UPF2: variants seen among roughly 807,000 people sequenced by gnomAD.
The protein encoded by UPF2 is UPF2 regulator of nonsense mediated mRNA decay, also known as regulator of nonsense transcripts 2.
In UPF2, 17 loss-of-function variants were observed where a neutral mutation model predicts 141.4. That is an observed-to-expected ratio of 0.12 (90% CI 0.08 to 0.18). The LOEUF (loss-of-function observed/expected upper bound fraction) is 0.18, where lower values mean the gene tolerates loss of function less well. UPF2 is among the 10% of genes least tolerant of loss of function. The pLI, the probability that UPF2 is intolerant of heterozygous loss-of-function variation, is 1.00. For missense variants in UPF2, 1,152 were observed against 1,515.9 expected (o/e 0.76, Z 3.99); for synonymous variants, 540 against 498.0 (o/e 1.08, Z -1.12).
At position 11,921,382 on chromosome 10, in the gene UPF2, G is replaced by A. The variant is rs371813361; in HGVS notation, c.3810-75C>T. 32 of 1,583,298 alleles carry A rather than the reference G, an allele frequency of 2.0e-5. No homozygotes were observed. Among genetic ancestry groups the A allele is most frequent in the African/African-American group, 1.3e-4 (10 of 74,316 alleles). ...AGTCCAGCAAGATGGCGTCTGCAAC[G>A]CTACCCACCACCACCAAGTCACTCC... On this transcript the variant is annotated intron_variant, in intron 21 of 21. Transcript: ENST00000357604. The surrounding 1 kb of genome is among the most constrained non-coding windows in gnomAD (Gnocchi z 5.9).
intron 21 of UPF2, among the ~76,000 whole-genome samples, chr10:11,926,266 T>G (rs1832711759): frequency 6.6e-6 from 1 of 152,164 alleles, no homozygotes; most frequent in Non-Finnish European, 1.5e-5. Flanking sequence ...CTCCCTGCAC[T>G]GGAGACCCTG....
chr10:12,001,796 C>G lies in UPF2; in HGVS notation c.1534G>C (p.Val512Leu). The G allele has an allele frequency of 6.2e-7, 1 of 1,607,536 alleles. No homozygotes were observed. The highest frequency in any genetic ancestry group is 8.5e-7 in the Non-Finnish European group (1 of 1,177,786). Reference protein sequence around the residue: ...EAKESKENKEVSSPDDLELEL... With the variant: ...EAKESKENKELSSPDDLELEL... ...AGTTCCAAATCATCGGGACTTGATA[C>G]CTCCTTATTCTCCTTAGATTCTTTT... Residue 512 changes from valine to leucine, a missense_variant, in exon 6 of 22, where the codon GTA (valine) becomes CTA (leucine). By Grantham distance (32) the Val-to-Leu change is conservative. Transcript: ENST00000357604.
chr10:12,035,139 C>A lies in UPF2; in HGVS notation c.285G>T (p.Lys95Asn). The A allele has an allele frequency of 6.2e-7, 1 of 1,600,216 alleles. No individual in the cohort carries two copies. The highest frequency in any genetic ancestry group is 1.7e-4 in the Middle Eastern group (1 of 6,006). ...TCTTTCTCTCTTCCTCTTGATGTTT[C>A]TTTTTTTCTTCCTCTTCTTTTTTCT... is the stretch of plus-strand genomic sequence containing the variant. ...ESKKKEEEEK[K>N]KHQEEERKKQ... The change falls in exon 2 of 22, where the codon AAG becomes AAT. Residue 95 changes from lysine to asparagine, a missense_variant. Lys to Asn is a moderately conservative substitution (Grantham distance 94). Transcript: ENST00000357604.
At position 12,012,847 on chromosome 10, in the gene UPF2, T is replaced by C. The variant is rs369280676; in HGVS notation, c.1306+1177A>G. ...AAGTTTGAGAATGAGCTTTGAGATA[T>C]TGAATAAGAGCCTGGGTGCAGTGGC... is the stretch of plus-strand genomic sequence containing the variant. On this transcript the variant is annotated intron_variant, in intron 4 of 21. Transcript: ENST00000357604. 1.8e-4 allele frequency among the ~76,000 whole-genome samples: 27 copies of C among 147,670 alleles called. 1 individual carries two copies. Among genetic ancestry groups the C allele is most frequent in the South Asian group, 6.5e-4 (3 of 4,588 alleles).
intron 15 of UPF2, among the ~76,000 whole-genome samples, chr10:11,949,517 AT>A (rs1277672996): frequency 2.0e-5 from 3 of 152,152 alleles, no homozygotes; most frequent in South Asian, 2.1e-4. Flanking sequence ...GCATGTTGTT[AT>A]TTTTTCCTAA....
At chr10:11,952,623 T>C (rs1009145165) in intron 14 of UPF2, among the ~76,000 whole-genome samples, 120 of 152,026 alleles carry the variant, frequency 7.9e-4, no homozygotes, top group South Asian at 1.7e-3. Context: ...TACAGGTGCA[T>C]GCCACCACGC....
chr10:11,987,761 CAAAAAAA>C (rs572687103), intron 8 of UPF2, among the ~76,000 whole-genome samples: 4 of 54,158 alleles, frequency 7.4e-5, no homozygotes, highest in Non-Finnish European at 9.3e-5. Context: ...GACTCTGCCT[CAAAAAAA>C]AAAAAAAAAA....
chr10:12,010,806 G>A (rs949877700), intron 4 of UPF2, among the ~76,000 whole-genome samples: 2 of 151,790 alleles, frequency 1.3e-5, no homozygotes, highest in East Asian at 1.9e-4. Flanking sequence ...TGAAATCAGC[G>A]ATAATGAAAA....
rs991612039 is a variant in UPF2, at chr10:11,940,102, T to C, written c.3378+2563A>G. On this transcript the variant is annotated intron_variant, in intron 18 of 21. Coordinates refer to ENST00000357604, the MANE Select transcript of UPF2 (RefSeq NM_015542.4). The surrounding 1 kb of genome is among the most constrained non-coding windows in gnomAD (Gnocchi z 4.2). ...AAAGAGACTCTGTACAGTTGTTCAGTATTTTGATAATGCTGAAAAACTAGG... is the reference window on the plus strand; with the variant it reads ...AAAGAGACTCTGTACAGTTGTTCAGCATTTTGATAATGCTGAAAAACTAGG... 1.3e-5 allele frequency among the ~76,000 whole-genome samples: 2 copies of C among 152,166 alleles called. No individual in the cohort carries two copies. Among genetic ancestry groups the C allele is most frequent in the East Asian group, 3.8e-4 (2 of 5,198 alleles).
chr10:11,951,560 A>AATTATCTCTAG (rs1229385251), intron 15 of UPF2, among the ~76,000 whole-genome samples: 1 of 152,154 alleles, frequency 6.6e-6, no homozygotes, highest in African/African-American at 2.4e-5. Context: ...AGAACCTTCT[A>AATTATCTCTAG]ATTATCTCTA....
chr10:11,928,742 T>C, intron 21 of UPF2: 3 of 329,262 alleles, frequency 9.1e-6, no homozygotes, highest in South Asian at 4.8e-5. Context: ...ATAAAAGAGG[T>C]CTTATTAGGG....
chr10:11,929,204 G>C (rs1832751965), intron 21 of UPF2, among the ~76,000 whole-genome samples: 1 of 152,152 alleles, frequency 6.6e-6, no homozygotes, highest in African/African-American at 2.4e-5. Flanking sequence ...TAAAAGTCTA[G>C]AAAATAGATT....
intron 10 of UPF2, among the ~76,000 whole-genome samples, chr10:11,964,866 T>C (rs935118196): frequency 4.9e-4 from 75 of 152,182 alleles, no homozygotes; most frequent in African/African-American, 1.7e-3. Flanking sequence ...TATTTGCACA[T>C]ATATAATGAG....
intron 16 of UPF2, among the ~76,000 whole-genome samples, chr10:11,944,070 C>G: frequency 6.6e-6 from 1 of 150,762 alleles, no homozygotes; most frequent in East Asian, 1.9e-4. Flanking sequence ...GCCATGATGG[C>G]TGAGAAATAA....
intron 3 of UPF2, among the ~76,000 whole-genome samples, chr10:12,024,518 G>A (rs1013533938): frequency 8.5e-5 from 13 of 152,110 alleles, no homozygotes; most frequent in African/African-American, 1.7e-4. Context: ...GCTGAGGTAG[G>A]AGAATTGCTT....
At chr10:11,982,502 C>G (rs1363161594) in intron 8 of UPF2, among the ~76,000 whole-genome samples, 1 of 152,202 alleles carries the variant, frequency 6.6e-6, no homozygotes, top group Admixed American at 6.5e-5. Flanking sequence ...AATATGCTTT[C>G]CCTAAACATC....
intron 6 of UPF2, among the ~76,000 whole-genome samples, chr10:12,000,972 A>G (rs894042711): frequency 3.9e-5 from 6 of 152,232 alleles, no homozygotes; most frequent in African/African-American, 7.2e-5. Context: ...CCACCTAGTA[A>G]TCATTTCAGA....
intron 3 of UPF2, among the ~76,000 whole-genome samples, chr10:12,021,437 G>C (rs1216325238): frequency 6.6e-6 from 1 of 152,030 alleles, no homozygotes; most frequent in Non-Finnish European, 1.5e-5. Context: ...GACTTGGGAG[G>C]CTGAGGTGGG....
In UPF2 at chr10:11,980,691, C is replaced by T. The variant is rs1215844588; in HGVS notation, c.1845-1526G>A. 6.6e-6 allele frequency among the ~76,000 whole-genome samples: 1 copy of T among 152,082 alleles called. No homozygotes were observed. The highest frequency in any genetic ancestry group is 2.4e-5 in the African/African-American group (1 of 41,406). On this transcript the variant is annotated intron_variant, in intron 8 of 21. Coordinates refer to ENST00000357604, the MANE Select transcript of UPF2 (RefSeq NM_015542.4). The surrounding 1 kb of genome is among the most constrained non-coding windows in gnomAD (Gnocchi z 4.2). ...GAGGTTGCAGTGAGCTGAGATCACA[C>T]CATTGCAATCCAGCCTGGGCAACAA... is the stretch of plus-strand genomic sequence containing the variant.
Sources: allele counts gnomAD v4.1 joint callset (sites outside exome capture counted in the v4.1 genomes callset), GRCh38; gene constraint gnomAD v4.1.1; non-coding constraint Gnocchi (gnomAD v3.1); transcripts MANE v1.5; gene names NCBI Gene and HGNC (gene_info 2026-07-23, HGNC 2026-07-21).